The following DIP2B variants were observed in gnomAD, a reference collection of about 807,000 sequenced individuals.
DIP2B encodes disco-interacting protein 2 homolog B.
DIP2B carries 76 observed loss-of-function variants against 198.0 expected under a neutral mutation model. That is an observed-to-expected ratio of 0.38 (90% CI 0.32 to 0.46). The LOEUF (loss-of-function observed/expected upper bound fraction) is 0.46. Among genes scored for constraint, DIP2B ranks in the 20% least tolerant of loss-of-function variants. The pLI, the probability that DIP2B is intolerant of heterozygous loss-of-function variation, is 0.99. For missense variants in DIP2B, 1,559 were observed against 1,978.4 expected, an observed-to-expected ratio of 0.79 and a Z score of 4.02; for synonymous variants, 701 against 739.1, an observed-to-expected ratio of 0.95 and a Z score of 0.84.
chr12:50,539,775 A>G (rs1433176282), intron 1 of DIP2B, among the ~76,000 whole-genome samples: 1 of 152,142 alleles, frequency 6.6e-6, no homozygotes, highest in Non-Finnish European at 1.5e-5. Flanking sequence ...TGTAACTGTC[A>G]TCCTGAATTT....
At chr12:50,526,626 CTTTTTTTT>C (rs11423846) in intron 1 of DIP2B, among the ~76,000 whole-genome samples, 12 of 64,194 alleles carry the variant, frequency 1.9e-4, no homozygotes, top group South Asian at 1.9e-3. Flanking sequence ...TTTCCTCTGC[CTTTTTTTT>C]TTTTTTTTTT....
chr12:50,742,407 A>AAAAAC (rs1380452139), intron 37 of DIP2B, among the ~76,000 whole-genome samples: 2 of 144,666 alleles, frequency 1.4e-5, no homozygotes, highest in Non-Finnish European at 1.5e-5. Flanking sequence ...AAAAAAAAAA[A>AAAAAC]AAAAAAAAAA....
chr12:50,699,114 C>T lies in DIP2B; in HGVS notation c.2237C>T (p.Thr746Ile). Residue 746 changes from threonine to isoleucine, a missense_variant, in exon 19 of 38, where the codon ACA becomes ATA. Thr to Ile is a moderately conservative substitution (Grantham distance 89). Coordinates refer to ENST00000301180, the MANE Select transcript of DIP2B (RefSeq NM_173602.3). ...GATGGACCTCCCCAGCTCTGCAAAA[C>T]AGATGAAATTGGAGAAATCTGTGTT... ...KPDGPPQLCK[T>I]DEIGEICVSS... The T allele has an allele frequency of 6.2e-7, 1 of 1,614,166 alleles. No homozygotes were observed. The highest frequency in any genetic ancestry group is 8.5e-7 in the Non-Finnish European group (1 of 1,180,022).
intron 1 of DIP2B, among the ~76,000 whole-genome samples, chr12:50,573,270 CCTA>C (rs1958630876): frequency 6.6e-6 from 1 of 152,220 alleles, no homozygotes; most frequent in African/African-American, 2.4e-5. Context: ...TGCTTGAACA[CCTA>C]CTGTGTAAAG....
chr12:50,614,466 C>A (rs1021812254), intron 1 of DIP2B, among the ~76,000 whole-genome samples: 1 of 152,182 alleles, frequency 6.6e-6, no homozygotes, highest in Non-Finnish European at 1.5e-5. Context: ...CTTGATGGTT[C>A]TAAAATCTAT....
In DIP2B at chr12:50,615,853, T is replaced by A. The variant is rs1465647572; in HGVS notation, c.101-10123T>A. Among the ~76,000 whole-genome samples, 12 of 152,350 alleles carry A rather than the reference T, an allele frequency of 7.9e-5. No homozygotes were observed. The East Asian group carries it at 2.3e-3, about 29-fold the overall frequency. Reference sequence around the variant, plus strand: ...CTCAGCGTTCGAACCCAGATCTGTTTCATGCTAGAACCCGTGCTCTTTCTA... The same window carrying A: ...CTCAGCGTTCGAACCCAGATCTGTTACATGCTAGAACCCGTGCTCTTTCTA... On this transcript the variant is annotated intron_variant, in intron 1 of 37. Coordinates refer to ENST00000301180, the MANE Select transcript of DIP2B (RefSeq NM_173602.3).
At chr12:50,566,411 G>GA (rs1958563429) in intron 1 of DIP2B, among the ~76,000 whole-genome samples, 1 of 152,162 alleles carries the variant, frequency 6.6e-6, no homozygotes, top group South Asian at 2.1e-4. Context: ...TTTCTGACAA[G>GA]AAAGCCCATT....
chr12:50,543,891 T>A (rs1183031928), intron 1 of DIP2B, among the ~76,000 whole-genome samples: 1 of 119,018 alleles, frequency 8.4e-6, no homozygotes, highest in African/African-American at 3.3e-5. Context: ...GCCAATGAAC[T>A]CCAGTCTGGG....
intron 16 of DIP2B, among the ~76,000 whole-genome samples, chr12:50,696,618 T>G (rs901335824): frequency 2.0e-5 from 3 of 152,218 alleles, no homozygotes; most frequent in Non-Finnish European, 4.4e-5. Context: ...AAATGGACTT[T>G]GTTAGTAGTC....
In DIP2B at chr12:50,708,551, C is replaced by T. The variant is rs1255863509; in HGVS notation, c.2638C>T (p.Arg880Cys). ...GGAAGATAGTTTCCAGTGGATGAGCCGCGTGCTGCAGGTGAGCACACTTTG... is the reference window on the plus strand; with the variant it reads ...GGAAGATAGTTTCCAGTGGATGAGCTGCGTGCTGCAGGTGAGCACACTTTG... Reference protein sequence around the residue: ...SEEDSFQWMSRVLQAIDSIHQ... With the variant: ...SEEDSFQWMSCVLQAIDSIHQ... The change falls in exon 22 of 38, where the codon CGC becomes TGC. Residue 880 changes from arginine to cysteine, a missense_variant. Transcript: ENST00000301180. 6.3e-6 allele frequency: 10 copies of T among 1,592,716 alleles called. No individual in the cohort carries two copies. Among genetic ancestry groups the T allele is most frequent in the East Asian group, 4.5e-5 (2 of 44,328 alleles).
intron 2 of DIP2B, among the ~76,000 whole-genome samples, chr12:50,634,834 A>G (rs1221250611): frequency 6.6e-6 from 1 of 152,206 alleles, no homozygotes; most frequent in East Asian, 1.9e-4. Context: ...TTGCACAACT[A>G]AAAAGAAAGA....
chr12:50,661,945 T>G (rs1370085713), intron 4 of DIP2B, among the ~76,000 whole-genome samples: 1 of 152,178 alleles, frequency 6.6e-6, no homozygotes, highest in Non-Finnish European at 1.5e-5. Context: ...GGAAACCTTT[T>G]TTATCCGCTT....
At chr12:50,725,605 T>G (rs1939917644) in intron 28 of DIP2B, among the ~76,000 whole-genome samples, 1 of 152,160 alleles carries the variant, frequency 6.6e-6, no homozygotes, top group Non-Finnish European at 1.5e-5. Context: ...AAAGATTAAA[T>G]GATGTAACAC....
intron 22 of DIP2B, among the ~76,000 whole-genome samples, chr12:50,710,076 T>C (rs1307366045): frequency 6.6e-6 from 1 of 152,234 alleles, no homozygotes; most frequent in Non-Finnish European, 1.5e-5. Flanking sequence ...TCATTCTTCT[T>C]TATTTTTCTA....
chr12:50,635,479 G>T (rs75429973), intron 2 of DIP2B, among the ~76,000 whole-genome samples: 1 of 152,100 alleles, frequency 6.6e-6, no homozygotes, highest in Non-Finnish European at 1.5e-5. Context: ...TTTCCCAAAC[G>T]TGGCTTCCTT....
At chr12:50,517,804 A>G (rs1001712645) in intron 1 of DIP2B, among the ~76,000 whole-genome samples, 1 of 152,082 alleles carries the variant, frequency 6.6e-6, no homozygotes, top group Non-Finnish European at 1.5e-5. Flanking sequence ...ATTCTCTAAA[A>G]TGTCCACTCT....
chr12:50,597,996 T>C (rs1319524321), intron 1 of DIP2B, among the ~76,000 whole-genome samples: 1 of 152,210 alleles, frequency 6.6e-6, no homozygotes, highest in Non-Finnish European at 1.5e-5. Context: ...GGGTCACACT[T>C]AATTCCTTCA....
At chr12:50,719,840 CAAAAAT>C (rs1939801216) in intron 25 of DIP2B, among the ~76,000 whole-genome samples, 1 of 142,044 alleles carries the variant, frequency 7.0e-6, no homozygotes, top group Admixed American at 7.1e-5. Flanking sequence ...GACCCTGTCT[CAAAAAT>C]AAAAAAAGAA....
At chr12:50,587,158 A>T (rs1958778496) in intron 1 of DIP2B, among the ~76,000 whole-genome samples, 1 of 152,144 alleles carries the variant, frequency 6.6e-6, no homozygotes, top group South Asian at 2.1e-4. Flanking sequence ...CTTTGTTGTT[A>T]TACCTCTACA....
Sources: allele counts gnomAD v4.1 joint callset (sites outside exome capture counted in the v4.1 genomes callset), GRCh38; gene constraint gnomAD v4.1.1; transcripts MANE v1.5; gene names NCBI Gene and HGNC (gene_info 2026-07-23, HGNC 2026-07-21).